The following FAM204A variants were observed in gnomAD, a reference collection of about 807,000 sequenced individuals.
FAM204A encodes protein FAM204A.
FAM204A carries 16 observed loss-of-function variants against 35.4 expected under a neutral mutation model. The observed-to-expected ratio is 0.45, with a 90% CI of 0.31 to 0.69. The LOEUF (loss-of-function observed/expected upper bound fraction) is 0.69, where lower values mean the gene tolerates loss of function less well. Among genes scored for constraint, FAM204A ranks in the 30% least tolerant of loss-of-function variants. The pLI, the probability that FAM204A is intolerant of heterozygous loss-of-function variation, is 0.07. For synonymous variants in FAM204A, 76 were observed against 86.9 expected (o/e 0.88, Z 0.70); for missense variants, 240 against 265.7 (o/e 0.90, Z 0.67).
intron 7 of FAM204A, 93 bp downstream of exon 7, chr10:118,326,057 ATATT>A: frequency 1.1e-6 from 1 of 883,530 alleles, no homozygotes; most frequent in Non-Finnish European, 1.7e-6. Context: ...CTCAGATGAA[ATATT>A]TTAATACTGA....
rs1244362780 is a variant in FAM204A, at chr10:118,308,881, A to AG, written c.*1975dup. 2.6e-5 allele frequency: 4 copies of AG among 151,358 alleles called. No homozygotes were observed. The highest frequency in any genetic ancestry group is 5.9e-5 in the Non-Finnish European group (4 of 67,878). The allele number at this position is 151,358 out of a possible 1,614,324, so 9.4% of individuals were successfully genotyped here. ...ACTAAATGCTCTAAGGAGTAGAAAC[A>AG]GAAAAAAAAAAAAAAATGAGACTGA... On this transcript the variant is annotated 3_prime_UTR_variant, in exon 9 of 9. Transcript: ENST00000369183.
chr10:118,329,992 C>A (rs1290154891), intron 6 of FAM204A, among the ~76,000 whole-genome samples: 2 of 152,128 alleles, frequency 1.3e-5, no homozygotes, highest in African/African-American at 2.4e-5. Flanking sequence ...TATCCTGGTA[C>A]TAGAATATAT....
chr10:118,334,999 G>T, intron 6 of FAM204A, 115 bp downstream of exon 6: 2 of 670,314 alleles, frequency 3.0e-6, no homozygotes, highest in Non-Finnish European at 5.2e-6. Context: ...ACCCTTTTTG[G>T]TATGCAGTAG....
intron 4 of FAM204A, 21 bp from the exon 5 acceptor site, chr10:118,335,447 G>A (rs770193679): frequency 2.5e-6 from 4 of 1,598,014 alleles, no homozygotes; most frequent in East Asian, 4.5e-5. Context: ...TTCACAAAGT[G>A]TCAATACCTA....
chr10:118,311,225 T>C lies in FAM204A; in HGVS notation c.632A>G (p.Lys211Arg), dbSNP rs753626612. 3.7e-6 allele frequency: 6 copies of C among 1,610,318 alleles called. 1 individual carries two copies. The South Asian group carries it at 5.6e-5, about 15-fold the overall frequency. Residue 211 changes from lysine to arginine, a missense_variant, in exon 8 of 9, where the codon AAG (lysine) becomes AGG (arginine). Transcript: ENST00000369183. ...AACTCACCCCCATGCAAGTTTCTTCTTTTTTCGGGCAGCCTGTGAATTTTC... is the reference window on the plus strand; with the variant it reads ...AACTCACCCCCATGCAAGTTTCTTCCTTTTTCGGGCAGCCTGTGAATTTTC... Reference protein sequence around the residue: ...EVENSQAARKKKKLAWGFEAK... With the variant: ...EVENSQAARKRKKLAWGFEAK...
chr10:118,341,174 T>C (rs1846474259), intron 2 of FAM204A, among the ~76,000 whole-genome samples: 1 of 152,208 alleles, frequency 6.6e-6, no homozygotes, highest in Admixed American at 6.5e-5. Flanking sequence ...ACCCAAAAGA[T>C]ATATTTGAGC....
intron 7 of FAM204A, among the ~76,000 whole-genome samples, chr10:118,323,989 G>A (rs1157151310): frequency 6.6e-6 from 1 of 152,084 alleles, no homozygotes; most frequent in East Asian, 1.9e-4. Flanking sequence ...AGAACTCCTA[G>A]TTTATTCATA....
chr10:118,334,779 T>C (rs554582045), intron 6 of FAM204A, among the ~76,000 whole-genome samples: 4 of 152,320 alleles, frequency 2.6e-5, no homozygotes, highest in African/African-American at 9.6e-5. Flanking sequence ...GACTCTTCCC[T>C]AGGATCTTTA....
chr10:118,338,914 G>C (rs1007586392), intron 2 of FAM204A, among the ~76,000 whole-genome samples: 1 of 152,044 alleles, frequency 6.6e-6, no homozygotes, highest in Non-Finnish European at 1.5e-5. Flanking sequence ...ATTTTTTATG[G>C]CTTTTTAAAT....
At chr10:118,317,898 C>G (rs568711624) in intron 7 of FAM204A, among the ~76,000 whole-genome samples, 1 of 152,052 alleles carries the variant, frequency 6.6e-6, no homozygotes, top group Admixed American at 6.6e-5. Context: ...TGAAAGATGA[C>G]CAAAGTTAAT....
At position 118,311,328 on chromosome 10, in the gene FAM204A, G is replaced by T; in HGVS notation, c.544-15C>A. ...TTTACACCAAGCTAAGAATTACAAA[G>T]GAGAAAAAAAAAGTGAAAATAAATA... On this transcript the variant is annotated splice_polypyrimidine_tract_variant and intron_variant, in intron 7 of 8. Coordinates refer to ENST00000369183, the MANE Select transcript of FAM204A (RefSeq NM_022063.3). 1 of 1,398,626 alleles carries T rather than the reference G, an allele frequency of 7.1e-7. No individual in the cohort carries two copies. Among genetic ancestry groups the T allele is most frequent in the Non-Finnish European group, 9.4e-7 (1 of 1,067,144 alleles). The allele number at this position is 1,398,626 out of a possible 1,614,324, so 86.6% of individuals were successfully genotyped here.
chr10:118,311,164 T>A (rs759920351), intron 8 of FAM204A, 43 bp downstream of exon 8: 10 of 1,525,400 alleles, frequency 6.6e-6, no homozygotes, highest in Non-Finnish European at 9.0e-6. Context: ...AGAATTTCTA[T>A]GAAGTCAGGA....
rs1323038808 is a variant in FAM204A, at chr10:118,298,952, C to G, written c.*11905G>C. The G allele has an allele frequency of 1.3e-5, 2 of 152,218 alleles. No individual in the cohort carries two copies. Among genetic ancestry groups the G allele is most frequent in the Non-Finnish European group, 2.9e-5 (2 of 68,042 alleles). 9.4% of individuals were successfully genotyped at this position (152,218 alleles called of 1,614,324 possible). The stretch of plus-strand genomic sequence containing the variant: ...TTTAATGGAAAAGGGCAGCGATGGA[C>G]TAATGGTTGCCTAGCAACCACTAGA... On this transcript the variant is annotated 3_prime_UTR_variant, in exon 9 of 9. Coordinates refer to ENST00000369183, the MANE Select transcript of FAM204A (RefSeq NM_022063.3).
intron 6 of FAM204A, among the ~76,000 whole-genome samples, chr10:118,334,599 T>C (rs1019582464): frequency 2.0e-5 from 3 of 152,230 alleles, no homozygotes; most frequent in African/African-American, 7.2e-5. Flanking sequence ...CCTTTATGAC[T>C]CTCAACTGCA....
chr10:118,341,491 T>C (rs1846481764), intron 2 of FAM204A, among the ~76,000 whole-genome samples: 1 of 152,200 alleles, frequency 6.6e-6, no homozygotes, highest in Non-Finnish European at 1.5e-5. Flanking sequence ...ATGTGTTCCT[T>C]TTCTCAAAAA....
rs1045862676 is a variant in FAM204A, at chr10:118,306,406, T to A, written c.*4451A>T. 2 of 152,214 alleles carry A rather than the reference T, an allele frequency of 1.3e-5. No individual in the cohort carries two copies. Among genetic ancestry groups the A allele is most frequent in the Non-Finnish European group, 2.9e-5 (2 of 68,048 alleles). 9.4% of individuals were successfully genotyped at this position (152,214 alleles called of 1,614,324 possible). On this transcript the variant is annotated 3_prime_UTR_variant, in exon 9 of 9. Coordinates refer to ENST00000369183, the MANE Select transcript of FAM204A (RefSeq NM_022063.3). Reference sequence around the variant, plus strand: ...CGGATATAAAAGCACATACTTAAATTCAATTTCTTAAAAATGTCATCTCAC... The same window carrying A: ...CGGATATAAAAGCACATACTTAAATACAATTTCTTAAAAATGTCATCTCAC...
chr10:118,318,555 G>A (rs918171274), intron 7 of FAM204A, among the ~76,000 whole-genome samples: 4 of 152,052 alleles, frequency 2.6e-5, no homozygotes, highest in African/African-American at 4.8e-5. Context: ...CAACCTTTCC[G>A]CAGGGTCACA....
At position 118,307,347 on chromosome 10, in the gene FAM204A, A is replaced by G. The variant is rs185535104; in HGVS notation, c.*3510T>C. On this transcript the variant is annotated 3_prime_UTR_variant, in exon 9 of 9. Transcript: ENST00000369183. The stretch of plus-strand genomic sequence containing the variant: ...CAGAGCTAAGACTTTAGTAGAGTGT[A>G]AATTTTAAGCCAATGAATAAACAGT... 231 of 152,356 alleles carry G rather than the reference A, an allele frequency of 1.5e-3. No individual in the cohort carries two copies. Among genetic ancestry groups the G allele is most frequent in the African/African-American group, 5.3e-3 (222 of 41,580 alleles). 9.4% of individuals were successfully genotyped at this position (152,356 alleles called of 1,614,324 possible). A position where few individuals can be genotyped will look rare whatever the true frequency, so the allele number is the denominator to read the frequency against.
intron 7 of FAM204A, among the ~76,000 whole-genome samples, chr10:118,321,314 A>G (rs1186709173): frequency 6.6e-6 from 1 of 152,096 alleles, no homozygotes; most frequent in Non-Finnish European, 1.5e-5. Context: ...TTAAATCTCA[A>G]ACCAAACTAT....
Sources: gnomAD v4.1 joint callset for allele counts (sites outside exome capture counted in the v4.1 genomes callset) on GRCh38, gnomAD v4.1.1 for gene constraint, MANE v1.5 for transcripts, NCBI Gene and HGNC (gene_info 2026-07-23, HGNC 2026-07-21) for gene names.